The following TIA1 variants were observed in gnomAD, a reference collection of about 807,000 sequenced individuals.
TIA1 encodes the protein TIA1 cytotoxic granule associated RNA binding protein.
In TIA1, 23 loss-of-function variants were observed where a neutral mutation model predicts 65.9. The ratio of observed to expected loss-of-function variants is 0.35; its 90% CI spans 0.25 to 0.49. The LOEUF is 0.49. Among genes scored for constraint, TIA1 ranks in the 20% least tolerant of loss-of-function variants. TIA1 has a pLI of 0.98. For missense variants in TIA1, 371 were observed against 477.9 expected, an observed-to-expected ratio of 0.78 and a Z score of 2.09; for synonymous variants, 147 against 149.4, an observed-to-expected ratio of 0.98 and a Z score of 0.12.
chr2:70,218,484 T>C (rs1160649050), intron 7 of TIA1, among the ~76,000 whole-genome samples: 1 of 152,122 alleles, frequency 6.6e-6, no homozygotes, highest in Admixed American at 6.6e-5. Context: ...CAGGCTGGAG[T>C]GCAGTGGCGC....
At position 70,248,496 on chromosome 2, in the gene TIA1, T is replaced by C. The variant is rs1695524373; in HGVS notation, c.-66A>G. On this transcript the variant is annotated 5_prime_UTR_variant, in exon 1 of 13. Coordinates refer to ENST00000433529, the MANE Select transcript of TIA1 (RefSeq NM_022173.4). ...TGCCCTTCACTACCTCCCAAATCGT[T>C]TAAGCGGTTATGGCTACAGGATAGT... The C allele has an allele frequency of 5.6e-6, 9 of 1,599,642 alleles. No homozygotes were observed. The South Asian group carries it at 9.9e-5, about 18-fold the overall frequency.
chr2:70,238,751 CT>C (rs1357900305), intron 1 of TIA1, among the ~76,000 whole-genome samples: 1 of 151,882 alleles, frequency 6.6e-6, no homozygotes, highest in Non-Finnish European at 1.5e-5. Flanking sequence ...CTGTGATGAT[CT>C]TCATTTAAAG....
intron 2 of TIA1, 40 bp downstream of exon 2, chr2:70,236,036 TAAA>T: frequency 2.1e-6 from 2 of 968,166 alleles, no homozygotes; most frequent in Non-Finnish European, 3.0e-6. Context: ...AAGTAATGTG[TAAA>T]AAAAAAAAGA....
At position 70,215,483 on chromosome 2, in the gene TIA1, T is replaced by C; in HGVS notation, c.776A>G (p.His259Arg). The C allele has an allele frequency of 1.2e-6, 2 of 1,613,246 alleles. No homozygotes were observed. Among genetic ancestry groups the C allele is most frequent in the Non-Finnish European group, 8.5e-7 (1 of 1,179,418 alleles). ...KGYSFVRFNSHESAAHAIVSV... is the reference protein window; with the variant it reads ...KGYSFVRFNSRESAAHAIVSV... ...AACAATTGCATGTGCTGCACTTTCA[T>C]GGGAATTGAACCTATTGAAAACAAT... The change falls in exon 11 of 13, where the codon CAT (histidine) becomes CGT (arginine). Residue 259 changes from histidine (H) to arginine (R), a missense_variant. Transcript: ENST00000433529.
chr2:70,247,247 GACAATCTATTAAGAAA>G (rs1694772425), intron 1 of TIA1, among the ~76,000 whole-genome samples: 1 of 152,116 alleles, frequency 6.6e-6, no homozygotes, highest in African/African-American at 2.4e-5. Context: ...CAGATTAACT[GACAATCTATTAAGAAA>G]ACAAGTGTAA....
intron 3 of TIA1, among the ~76,000 whole-genome samples, chr2:70,229,937 CA>C (rs1338080935): frequency 3.4e-4 from 40 of 118,014 alleles, no homozygotes; most frequent in East Asian, 7.4e-4. Flanking sequence ...GATTCCATCT[CA>C]AAAAAAAAAA....
At chr2:70,243,176 C>G (rs577023835) in intron 1 of TIA1, among the ~76,000 whole-genome samples, 1 of 152,086 alleles carries the variant, frequency 6.6e-6, no homozygotes, top group African/African-American at 2.4e-5. Context: ...CACCTATAAT[C>G]CCACTTTGGG....
intron 1 of TIA1, 29 bp from the exon 2 acceptor site, chr2:70,236,204 T>G (rs780560322): frequency 2.8e-5 from 31 of 1,126,140 alleles, no homozygotes; most frequent in Non-Finnish European, 3.5e-5. Flanking sequence ...CAATTTACCT[T>G]TTTTTTTTTT....
chr2:70,248,584 G>T lies in TIA1; in HGVS notation c.-154C>A, dbSNP rs182334340. On this transcript the variant is annotated 5_prime_UTR_variant, in exon 1 of 13. Transcript: ENST00000433529. Reference sequence around the variant, plus strand: ...CCTCCGGCGGCAATTACACTAAACCGCCCGGCCCAGCGGGAACAATGAAAC... The same window carrying T: ...CCTCCGGCGGCAATTACACTAAACCTCCCGGCCCAGCGGGAACAATGAAAC... The T allele has an allele frequency of 1.9e-6, 2 of 1,062,426 alleles. No individual in the cohort carries two copies. Among genetic ancestry groups the T allele is most frequent in the Admixed American group, 2.0e-5 (1 of 48,962 alleles). 65.8% of individuals were successfully genotyped at this position (1,062,426 alleles called of 1,614,324 possible). A position where few individuals can be genotyped will look rare whatever the true frequency, so the allele number is the denominator to read the frequency against.
intron 9 of TIA1, 50 bp downstream of exon 9, chr2:70,216,354 T>G (rs1244047366): frequency 1.3e-6 from 2 of 1,585,950 alleles, no homozygotes; most frequent in African/African-American, 2.7e-5. Flanking sequence ...CCTACAAATA[T>G]TAAGCTTTGC....
At chr2:70,225,336 A>T (rs2104314924) in intron 6 of TIA1, 1 of 1,286,912 alleles carries the variant, frequency 7.8e-7, no homozygotes, top group East Asian at 5.6e-5. Flanking sequence ...ACATTTATCC[A>T]CTGTGAACCG....
At chr2:70,239,384 G>A (rs144870076) in intron 1 of TIA1, among the ~76,000 whole-genome samples, 1,645 of 152,188 alleles carry the variant, frequency 0.011, 17 homozygotes, top group Middle Eastern at 0.024. Context: ...GAGCCACTGC[G>A]CCCGGCCAAT....
chr2:70,244,402 C>G (rs1025524372), intron 1 of TIA1, among the ~76,000 whole-genome samples: 1 of 152,126 alleles, frequency 6.6e-6, no homozygotes, highest in Non-Finnish European at 1.5e-5. Flanking sequence ...ATCCCCAGTT[C>G]CCAGAAGACG....
At chr2:70,229,940 A>AC (rs1444173163) in intron 3 of TIA1, among the ~76,000 whole-genome samples, 2 of 151,476 alleles carry the variant, frequency 1.3e-5, no homozygotes, top group African/African-American at 4.8e-5. Context: ...TCCATCTCAA[A>AC]AAAAAAAAAC....
intron 7 of TIA1, 34 bp downstream of exon 7, chr2:70,224,520 T>C: frequency 6.2e-7 from 1 of 1,613,576 alleles, no homozygotes; most frequent in Non-Finnish European, 8.5e-7. Context: ...CTTTACTCTT[T>C]AAGCATTATC....
At chr2:70,246,448 T>C (rs111810064) in intron 1 of TIA1, among the ~76,000 whole-genome samples, 110 of 152,316 alleles carry the variant, frequency 7.2e-4, no homozygotes, top group African/African-American at 2.6e-3. Flanking sequence ...AAGGTTTGCC[T>C]GACTAGAAAA....
At position 70,216,473 on chromosome 2, in the gene TIA1, C is replaced by T. The variant is rs1678681992; in HGVS notation, c.610G>A (p.Glu204Lys). 1.2e-6 allele frequency: 2 copies of T among 1,613,872 alleles called. No individual in the cohort carries two copies. Among genetic ancestry groups the T allele is most frequent in the East Asian group, 4.5e-5 (2 of 44,852 alleles). Residue 204 changes from glutamate to lysine, a missense_variant, in exon 9 of 13, where the codon GAG (glutamate) becomes AAG (lysine). Physicochemically the swap from Glu to Lys is moderately conservative, Grantham distance 56. Coordinates refer to ENST00000433529, the MANE Select transcript of TIA1 (RefSeq NM_022173.4). ...ESNTKQLSYDEVVNQSSPSNC... is the reference protein window; with the variant it reads ...ESNTKQLSYDKVVNQSSPSNC... ...CTTGGACTAGACTGATTTACAACCT[C>T]ATCATATGATAGCTGTTTGGTATTT...
In TIA1 at chr2:70,231,006, T is replaced by C. The variant is rs865792089; in HGVS notation, c.124-152A>G. 5.4e-5 allele frequency: 31 copies of C among 573,182 alleles called. No individual in the cohort carries two copies. In the Middle Eastern group the frequency reaches 3.3e-3, roughly 62 times the overall value. 35.5% of individuals were successfully genotyped at this position (573,182 alleles called of 1,614,324 possible). On this transcript the variant is annotated intron_variant, in intron 2 of 12. Coordinates refer to ENST00000433529, the MANE Select transcript of TIA1 (RefSeq NM_022173.4). Reference sequence around the variant, plus strand: ...GTCTATTCCACAAGTAAATTTTAGATTTAAAAAAGTAGGCTGGGTGAGGTG... The same window carrying C: ...GTCTATTCCACAAGTAAATTTTAGACTTAAAAAAGTAGGCTGGGTGAGGTG...
intron 1 of TIA1, among the ~76,000 whole-genome samples, chr2:70,242,656 C>T (rs1692407247): frequency 6.6e-6 from 1 of 151,960 alleles, no homozygotes; most frequent in African/African-American, 2.4e-5. Context: ...GTCCCCAACT[C>T]CCCCCTAGGC....
Sources: gnomAD v4.1 joint callset for allele counts (sites outside exome capture counted in the v4.1 genomes callset) on GRCh38, gnomAD v4.1.1 for gene constraint, MANE v1.5 for transcripts, NCBI Gene and HGNC (gene_info 2026-07-23, HGNC 2026-07-21) for gene names.